The following MYLK2 variants were observed in gnomAD, a reference collection of about 807,000 sequenced individuals.
The protein encoded by MYLK2 is myosin light chain kinase 2, also known as myosin light chain kinase 2, skeletal/cardiac muscle.
Under a neutral mutation model 58.2 loss-of-function variants are expected in MYLK2, and 27 were observed. That is an observed-to-expected ratio of 0.46 (90% CI 0.34 to 0.64). The LOEUF is 0.64. Among genes scored for constraint, MYLK2 ranks in the 30% least tolerant of loss-of-function variants. The probability of loss-of-function intolerance (pLI) is 0.01; values close to 1 mark genes in which losing one functional copy is unlikely to be tolerated. For synonymous variants in MYLK2, 310 were observed against 296.7 expected (o/e 1.04, Z -0.46); for missense variants, 676 against 764.3 (o/e 0.88, Z 1.36).
chr20:31,831,581 G>A, intron 10 of MYLK2, 122 bp from the exon 11 acceptor site: 1 of 1,155,440 alleles, frequency 8.7e-7, no homozygotes, highest in Non-Finnish European at 1.3e-6. Flanking sequence ...CCCACGAGAG[G>A]CTGGGGGTCT....
intron 6 of MYLK2, among the ~76,000 whole-genome samples, chr20:31,825,104 G>A (rs144705540): frequency 2.6e-5 from 4 of 152,316 alleles, no homozygotes; most frequent in African/African-American, 7.2e-5. Flanking sequence ...TGGGGAGTGA[G>A]GTTCTGGGCA....
intron 6 of MYLK2, 66 bp downstream of exon 6, chr20:31,824,418 C>T (rs920535561): frequency 1.0e-5 from 16 of 1,561,948 alleles, no homozygotes; most frequent in Non-Finnish European, 1.2e-5. Context: ...GGGCACCTCT[C>T]GCCTCCCTCC....
At position 31,833,888 on chromosome 20, in the gene MYLK2, C is replaced by G; in HGVS notation, c.*91C>G. The G allele has an allele frequency of 8.2e-7, 1 of 1,214,084 alleles. No individual in the cohort carries two copies. The highest frequency in any genetic ancestry group is 1.2e-6 in the Non-Finnish European group (1 of 839,110). The allele number at this position is 1,214,084 out of a possible 1,614,324, so 75.2% of individuals were successfully genotyped here. On this transcript the variant is annotated 3_prime_UTR_variant, in exon 13 of 13. Coordinates refer to ENST00000375985, the MANE Select transcript of MYLK2 (RefSeq NM_033118.4). Reference sequence around the variant, plus strand: ...GAAGGCCAGAAAAGGCAGCCAGATCCCCAGGGCAGCCTCGTTAGGACAAGG... The same window carrying G: ...GAAGGCCAGAAAAGGCAGCCAGATCGCCAGGGCAGCCTCGTTAGGACAAGG...
In MYLK2 at chr20:31,820,331, C is replaced by T. The variant is rs149280577; in HGVS notation, c.258C>T (p.Pro86=). 4.7e-5 allele frequency: 75 copies of T among 1,612,850 alleles called. No individual in the cohort carries two copies. The African/African-American group carries it at 8.3e-4, about 18-fold the overall frequency. ...PKGEGDRGGG[P]AEGSAGPPAA... ...GAGAGGGTGACAGGGGCGGGGGGCC[C>T]GCGGAGGGCAGTGCTGGGCCCCCGG... is the stretch of plus-strand genomic sequence containing the variant. The change falls in exon 3 of 13, where the codon CCC becomes CCT. Residue 86 remains proline, a synonymous_variant. Coordinates refer to ENST00000375985, the MANE Select transcript of MYLK2 (RefSeq NM_033118.4).
intron 10 of MYLK2, 93 bp from the exon 11 acceptor site, chr20:31,831,609 GC>G (rs1490370453): frequency 7.0e-7 from 1 of 1,433,708 alleles, no homozygotes; most frequent in Non-Finnish European, 9.8e-7. Context: ...ACACGGTGCT[GC>G]CTCCTAGGAT....
At chr20:31,823,785 C>A (rs532143883) in intron 5 of MYLK2, 133 of 383,584 alleles carry the variant, frequency 3.5e-4, no homozygotes, top group Non-Finnish European at 7.5e-5. Context: ...CTTACTCAGA[C>A]GCACCGTCAG....
chr20:31,820,279 C>T lies in MYLK2; in HGVS notation c.206C>T (p.Pro69Leu), dbSNP rs1404432306. ...AAAGGGGATGGTACCCTGGCCCAAC[C>T]CTCAACTAGCAGCCAAGGCCCCAAA... is the stretch of plus-strand genomic sequence containing the variant. Reference protein sequence around the residue: ...SEKGDGTLAQPSTSSQGPKGE... With the variant: ...SEKGDGTLAQLSTSSQGPKGE... The change falls in exon 3 of 13, where the codon CCC becomes CTC. Residue 69 changes from proline (P) to leucine (L), a missense_variant. Coordinates refer to ENST00000375985, the MANE Select transcript of MYLK2 (RefSeq NM_033118.4). 1.2e-6 allele frequency: 2 copies of T among 1,613,844 alleles called. No individual in the cohort carries two copies. Among genetic ancestry groups the T allele is most frequent in the Non-Finnish European group, 1.7e-6 (2 of 1,179,992 alleles).
chr20:31,823,863 A>AC, intron 5 of MYLK2: 1 of 818,136 alleles, frequency 1.2e-6, no homozygotes, highest in Non-Finnish European at 1.5e-6. Flanking sequence ...CACCACACTG[A>AC]CCCCCTCATG....
chr20:31,827,986 C>T (rs990289521), intron 8 of MYLK2, among the ~76,000 whole-genome samples: 12 of 149,764 alleles, frequency 8.0e-5, no homozygotes, highest in Non-Finnish European at 1.6e-4. Context: ...CTCCTGGGCT[C>T]AAGCAATTCT....
In MYLK2 at chr20:31,831,753, AC is replaced by A; in HGVS notation, c.1476del (p.Asn492LysfsTer38). The A allele has an allele frequency of 6.2e-7, 1 of 1,614,110 alleles. No homozygotes were observed. The highest frequency in any genetic ancestry group is 8.5e-7 in the Non-Finnish European group (1 of 1,179,998). ...GGAGATGATGACACAGAGACCCTAA[AC>A]AACGTTCTATCTGGCAACTGGTACT... ...FLGDDDTETL[N>X]NVLSGNWYFD... On this transcript the variant is annotated frameshift_variant, in exon 11 of 13. Coordinates refer to ENST00000375985, the MANE Select transcript of MYLK2 (RefSeq NM_033118.4). LOFTEE classifies it high-confidence loss of function.
intron 8 of MYLK2, chr20:31,828,172 G>A (rs2062289654): frequency 2.0e-6 from 2 of 985,376 alleles, no homozygotes; most frequent in Non-Finnish European, 2.4e-6. Flanking sequence ...ACATGTGTGA[G>A]CCACCGTGCC....
chr20:31,831,158 G>A lies in MYLK2; in HGVS notation c.1424+17G>A. 1 of 1,614,064 alleles carries A rather than the reference G, an allele frequency of 6.2e-7. No homozygotes were observed. The highest frequency in any genetic ancestry group is 2.2e-5 in the East Asian group (1 of 44,870). Reference sequence around the variant, plus strand: ...CTACATGCTGTGAGCTCCCAGGCGGGTCGTGTTTATGGGGTTGGTGGGGCA... The same window carrying A: ...CTACATGCTGTGAGCTCCCAGGCGGATCGTGTTTATGGGGTTGGTGGGGCA... On this transcript the variant is annotated intron_variant, in intron 10 of 12. Coordinates refer to ENST00000375985, the MANE Select transcript of MYLK2 (RefSeq NM_033118.4).
chr20:31,829,226 A>C (rs2062293810), intron 8 of MYLK2, among the ~76,000 whole-genome samples: 1 of 152,152 alleles, frequency 6.6e-6, no homozygotes, highest in Admixed American at 6.5e-5. Flanking sequence ...CTGTATCCTA[A>C]AATGTGTTTT....
At chr20:31,822,741 C>T (rs553700208) in intron 4 of MYLK2, among the ~76,000 whole-genome samples, 100 of 152,240 alleles carry the variant, frequency 6.6e-4, no homozygotes, top group African/African-American at 2.3e-3. Context: ...GTGGGAGGAC[C>T]TGGCGGCTGG....
rs2062241450 is a variant in MYLK2, at chr20:31,819,631, A to G, written c.51A>G (p.Thr17=). The G allele has an allele frequency of 5.2e-6, 8 of 1,551,548 alleles. No homozygotes were observed. The highest frequency in any genetic ancestry group is 7.0e-6 in the Non-Finnish European group (8 of 1,146,998). Residue 17 remains threonine, a splice_region_variant and synonymous_variant, in exon 2 of 13, where the codon ACA becomes ACG. Coordinates refer to ENST00000375985, the MANE Select transcript of MYLK2 (RefSeq NM_033118.4). ...AGCTGGGAATTCAGAACCCATCAAC[A>G]GGTGCCAAGCTGGGGCAGGAGATGG... ...AVELGIQNPS[T]DKAPKGPTGE... is the part of the protein sequence containing the mutation.
intron 5 of MYLK2, chr20:31,823,785 C>G (rs532143883): frequency 3.1e-5 from 12 of 383,586 alleles, no homozygotes; most frequent in Admixed American, 6.4e-5. Flanking sequence ...CTTACTCAGA[C>G]GCACCGTCAG....
Position 31,824,517 on chromosome 20 carries a change from G to A in MYLK2, c.972+165G>A. Reference sequence around the variant, plus strand: ...AGAGAGATGGATGGACAGCCCTGCAGCAGGGGCCTGAGGACCCTACCCATA... The same window carrying A: ...AGAGAGATGGATGGACAGCCCTGCAACAGGGGCCTGAGGACCCTACCCATA... On this transcript the variant is annotated intron_variant, in intron 6 of 12. Transcript: ENST00000375985. 3 of 985,464 alleles carry A rather than the reference G, an allele frequency of 3.0e-6. No individual in the cohort carries two copies. In the South Asian group the frequency reaches 1.4e-4, roughly 46 times the overall value. The allele number at this position is 985,464 out of a possible 1,614,324, so 61.0% of individuals were successfully genotyped here.
Position 31,823,486 on chromosome 20 carries a change from C to T in MYLK2, c.782C>T (p.Pro261Leu), listed in dbSNP as rs770752983. 1.5e-5 allele frequency: 24 copies of T among 1,612,964 alleles called. No individual in the cohort carries two copies. The highest frequency in any genetic ancestry group is 2.2e-5 in the South Asian group (2 of 91,076). Residue 261 changes from proline to leucine, a missense_variant, in exon 5 of 13, where the codon CCG becomes CTG. Around this residue, in one of 2 missense-constraint regions of MYLK2, gnomAD observed 370 missense variants for 467.8 expected, o/e 0.79. Transcript: ENST00000375985. ...GTGCTCTGTCCCCCAGATGATTGCC[C>T]GCCACCTCCGGCCCCCTTCCCTCAC... ...EDCFQILDDC[P>L]PPPAPFPHRM...
rs1317836836 is a variant in MYLK2 at position 31,826,796 on chromosome 20, G to A, written c.1083-1G>A. 6.2e-7 allele frequency: 1 copy of A among 1,614,024 alleles called. No individual in the cohort carries two copies. Among genetic ancestry groups the A allele is most frequent in the African/African-American group, 1.3e-5 (1 of 74,904 alleles). On this transcript the variant is annotated splice_acceptor_variant, in intron 7 of 12. Coordinates refer to ENST00000375985, the MANE Select transcript of MYLK2 (RefSeq NM_033118.4). LOFTEE classifies it high-confidence loss of function. ...AGCCGTGGAGGGGTCTGTGCACACA[G>A]CATCGAGGGCGGAGAGCTCTTCGAG...
Sources: allele counts gnomAD v4.1 joint callset (sites outside exome capture counted in the v4.1 genomes callset), GRCh38; gene constraint gnomAD v4.1.1; regional missense constraint gnomAD v4.1.1; transcripts MANE v1.5; gene names NCBI Gene and HGNC (gene_info 2026-07-23, HGNC 2026-07-21).